DNAH14: variants seen among roughly 807,000 people sequenced by gnomAD.
DNAH14 encodes axonemal beta dynein heavy chain 14.
A neutral mutation model predicts 520.9 loss-of-function variants in DNAH14; 478 were observed. That is an observed-to-expected ratio of 0.92 (90% confidence interval 0.85 to 0.99). The LOEUF (loss-of-function observed/expected upper bound fraction) is 0.99, where lower values mean the gene tolerates loss of function less well. Ranked by LOEUF, DNAH14 falls within the 50% of genes least tolerant of loss-of-function variation. DNAH14 has a pLI of 0.00. For missense variants in DNAH14, 4,831 were observed against 5,234.5 expected (o/e 0.92, Z 2.38); for synonymous variants, 1,581 against 1,757.2 (o/e 0.90, Z 2.51).
intron 41 of DNAH14, among the ~76,000 whole-genome samples, chr1:225,209,226 G>A (rs1292934417): frequency 1.3e-5 from 2 of 152,168 alleles, no homozygotes; most frequent in Non-Finnish European, 1.5e-5. Context: ...AGTTATACCT[G>A]GAAATGGGCA....
chr1:225,000,571 T>G (rs1042907300), intron 8 of DNAH14, among the ~76,000 whole-genome samples: 13 of 151,362 alleles, frequency 8.6e-5, no homozygotes, highest in Admixed American at 3.3e-4. Context: ...TTGTTCTTTT[T>G]TTTTTTTTTT....
At chr1:224,934,143 A>G (rs1309422729) in intron 1 of DNAH14, among the ~76,000 whole-genome samples, 1 of 151,894 alleles carries the variant, frequency 6.6e-6, no homozygotes, top group Non-Finnish European at 1.5e-5. Context: ...GAAATATGAC[A>G]CCTCCGAAGG....
At chr1:224,979,188 A>C (rs2062076617) in intron 8 of DNAH14, among the ~76,000 whole-genome samples, 1 of 152,214 alleles carries the variant, frequency 6.6e-6, no homozygotes, top group Non-Finnish European at 1.5e-5. Flanking sequence ...GAGCAACCAC[A>C]GTACCTGGTT....
At chr1:225,200,996 T>A (rs1240897012) in intron 38 of DNAH14, among the ~76,000 whole-genome samples, 7 of 151,948 alleles carry the variant, frequency 4.6e-5, no homozygotes, top group Admixed American at 1.3e-4. Context: ...CACCAATTAT[T>A]CTTAGGTTTG....
At position 224,955,021 on chromosome 1, in the gene DNAH14, A is replaced by G. The variant is rs2060423637; in HGVS notation, c.140A>G (p.Glu47Gly). The stretch of plus-strand genomic sequence containing the variant: ...AAACCATTAGAGACTCAACCAGCTG[A>G]AATAGCAGAAAAGGAAACATTGGAA... ...DVKPLETQPA[E>G]IAEKETLEYK... The change falls in exon 3 of 86, where the codon GAA becomes GGA. Residue 47 changes from glutamate to glycine, a missense_variant. Physicochemically the swap from Glu to Gly is moderately conservative, Grantham distance 98. Coordinates refer to ENST00000682510, the MANE Select transcript of DNAH14 (RefSeq NM_001367479.1). The G allele has an allele frequency of 6.2e-7, 1 of 1,611,530 alleles. No homozygotes were observed. Among genetic ancestry groups the G allele is most frequent in the Non-Finnish European group, 8.5e-7 (1 of 1,178,146 alleles).
At chr1:224,964,838 T>C (rs1298855626) in intron 5 of DNAH14, among the ~76,000 whole-genome samples, 22 of 152,090 alleles carry the variant, frequency 1.4e-4, no homozygotes, top group Admixed American at 1.4e-3. Context: ...CATCAAAATG[T>C]TTATGTCTGT....
chr1:225,004,434 G>T (rs565539244), intron 9 of DNAH14, among the ~76,000 whole-genome samples: 1 of 152,298 alleles, frequency 6.6e-6, no homozygotes, highest in South Asian at 2.1e-4. Context: ...GCTAGGCTGT[G>T]CTGGATTTGA....
intron 66 of DNAH14, among the ~76,000 whole-genome samples, chr1:225,335,125 A>G (rs929601812): frequency 2.8e-5 from 4 of 145,220 alleles, no homozygotes; most frequent in African/African-American, 1.0e-4. Flanking sequence ...ATACATGTGT[A>G]CATATGTGCA....
At chr1:225,027,299 G>T (rs1030882389) in intron 11 of DNAH14, among the ~76,000 whole-genome samples, 3 of 151,996 alleles carry the variant, frequency 2.0e-5, no homozygotes, top group Non-Finnish European at 4.4e-5. Context: ...TGTTGATTAG[G>T]AATGGTGAAA....
chr1:225,224,607 A>T (rs1085215), intron 41 of DNAH14, among the ~76,000 whole-genome samples: 1 of 151,910 alleles, frequency 6.6e-6, no homozygotes, highest in Admixed American at 6.6e-5. Context: ...AGGCCATATA[A>T]AACATGCCCT....
At chr1:225,365,704 C>T (rs909831864) in intron 76 of DNAH14, among the ~76,000 whole-genome samples, 1 of 152,040 alleles carries the variant, frequency 6.6e-6, no homozygotes, top group Non-Finnish European at 1.5e-5. Flanking sequence ...TCGAAAGATT[C>T]CACTTGTCTC....
intron 54 of DNAH14, 58 bp from the exon 55 acceptor site, chr1:225,289,827 T>G: frequency 8.6e-7 from 1 of 1,164,176 alleles, no homozygotes; most frequent in Non-Finnish European, 1.1e-6. Flanking sequence ...CAGAAAACTA[T>G]ACGTTGAAAG....
chr1:225,251,067 A>G (rs1558158483), intron 43 of DNAH14, among the ~76,000 whole-genome samples: 1 of 152,210 alleles, frequency 6.6e-6, no homozygotes, highest in Non-Finnish European at 1.5e-5. Context: ...TTTTCAGCAA[A>G]TGGTACTGGA....
intron 60 of DNAH14, among the ~76,000 whole-genome samples, chr1:225,315,194 C>T (rs544979641): frequency 6.6e-6 from 1 of 151,684 alleles, no homozygotes; most frequent in South Asian, 2.1e-4. Flanking sequence ...AGCTGATTTT[C>T]AATCTCTGAT....
intron 64 of DNAH14, among the ~76,000 whole-genome samples, chr1:225,328,476 G>A (rs773261528): frequency 2.0e-4 from 31 of 151,862 alleles, no homozygotes; most frequent in Non-Finnish European, 3.8e-4. Context: ...TATTTTTTAC[G>A]CTTAATATTT....
intron 53 of DNAH14, 101 bp from the exon 54 acceptor site, chr1:225,277,309 A>G (rs1214148232): frequency 2.6e-6 from 1 of 390,208 alleles, no homozygotes; most frequent in Non-Finnish European, 5.3e-6. Flanking sequence ...CTGGATTACT[A>G]GTTATTCTCC....
At chr1:225,155,217 G>T (rs182799208) in intron 34 of DNAH14, among the ~76,000 whole-genome samples, 4 of 151,968 alleles carry the variant, frequency 2.6e-5, no homozygotes, top group African/African-American at 9.6e-5. Context: ...TGGTATGATT[G>T]GGGCTATATT....
Position 225,231,081 on chromosome 1 carries a change from T to C in DNAH14, c.6448T>C (p.Leu2150=). 8.4e-6 allele frequency: 13 copies of C among 1,546,914 alleles called. No homozygotes were observed. In the South Asian group the frequency reaches 1.2e-4, roughly 14 times the overall value. The change falls in exon 42 of 86, where the codon TTG becomes CTG. Residue 2150 remains leucine, a synonymous_variant. Coordinates refer to ENST00000682510, the MANE Select transcript of DNAH14 (RefSeq NM_001367479.1). ...ACTCTTTCCTTTTTAAGGTGATGAT[T>C]TGAATGACACGTCATCTAAGGAGGC... ...KNGGFEQSDD[L]NDTSSKEANS...
chr1:225,020,506 A>AAAC (rs1352522176), intron 10 of DNAH14, among the ~76,000 whole-genome samples: 3 of 148,752 alleles, frequency 2.0e-5, no homozygotes, highest in East Asian at 2.0e-4. Context: ...CAAAAAAAAA[A>AAAC]AAAAAAAAAA....
Sources: allele counts gnomAD v4.1 joint callset (sites outside exome capture counted in the v4.1 genomes callset), GRCh38; gene constraint gnomAD v4.1.1; transcripts MANE v1.5; gene names NCBI Gene and HGNC (gene_info 2026-07-23, HGNC 2026-07-21).